KATNAL1: variants seen among roughly 807,000 people sequenced by gnomAD.
KATNAL1 encodes katanin p60 ATPase-containing subunit A-like 1.
KATNAL1 carries 32 observed loss-of-function variants against 55.2 expected under a neutral mutation model. The ratio of observed to expected loss-of-function variants is 0.58; its 90% CI spans 0.44 to 0.78. The LOEUF (loss-of-function observed/expected upper bound fraction) is 0.78. KATNAL1 is among the 30% of genes least tolerant of loss of function. The pLI, the probability that KATNAL1 is intolerant of heterozygous loss-of-function variation, is 0.00. For synonymous variants in KATNAL1, 193 were observed against 193.6 expected (o/e 1.00, Z 0.02); for missense variants, 466 against 600.9 (o/e 0.78, Z 2.35).
At chr13:30,243,608 C>CAAAAAAAAAAAAAAAAAA (rs139687662) in intron 4 of KATNAL1, among the ~76,000 whole-genome samples, 1 of 86,466 alleles carries the variant, frequency 1.2e-5, no homozygotes, top group Non-Finnish European at 2.2e-5. Context: ...GGTATTAAGC[C>CAAAAAAAAAAAAAAAAAA]AAAAAAAAAA....
intron 1 of KATNAL1, among the ~76,000 whole-genome samples, chr13:30,305,460 CAG>C (rs1297170542): frequency 6.6e-6 from 1 of 152,218 alleles, no homozygotes; most frequent in South Asian, 2.1e-4. Context: ...CTTCCTTAGA[CAG>C]AGTCAGGATC....
intron 1 of KATNAL1, among the ~76,000 whole-genome samples, chr13:30,287,285 T>C (rs752692373): frequency 6.6e-6 from 1 of 152,160 alleles, no homozygotes; most frequent in East Asian, 1.9e-4. Context: ...CAGGAGCACA[T>C]GGAGGTGACT....
At chr13:30,279,983 T>A in intron 3 of KATNAL1, 80 bp downstream of exon 3, 2 of 1,276,898 alleles carry the variant, frequency 1.6e-6, no homozygotes, top group Non-Finnish European at 1.1e-6. Context: ...AAATAATTTT[T>A]CATACTTTGT....
At chr13:30,290,218 A>T (rs1449274288) in intron 1 of KATNAL1, among the ~76,000 whole-genome samples, 1 of 152,202 alleles carries the variant, frequency 6.6e-6, no homozygotes, top group Non-Finnish European at 1.5e-5. Context: ...GAAATCAATG[A>T]AATAGAAAAC....
intron 3 of KATNAL1, among the ~76,000 whole-genome samples, chr13:30,272,319 AC>A (rs1490146118): frequency 6.6e-6 from 1 of 152,038 alleles, no homozygotes; most frequent in African/African-American, 2.4e-5. Flanking sequence ...AATTGCTTGA[AC>A]CCAGGAGGCG....
intron 2 of KATNAL1, 77 bp downstream of exon 2, chr13:30,283,539 G>T: frequency 7.4e-7 from 1 of 1,343,898 alleles, no homozygotes; most frequent in Non-Finnish European, 1.0e-6. Flanking sequence ...CTCAAAATTA[G>T]ATTTTCCAAC....
chr13:30,260,948 A>T (rs1879234955), intron 3 of KATNAL1, among the ~76,000 whole-genome samples: 1 of 151,534 alleles, frequency 6.6e-6, no homozygotes, highest in Non-Finnish European at 1.5e-5. Flanking sequence ...TGAAGGAAAA[A>T]ATGTTAAGGG....
At chr13:30,260,313 T>C (rs1244057287) in intron 3 of KATNAL1, among the ~76,000 whole-genome samples, 2 of 151,788 alleles carry the variant, frequency 1.3e-5, no homozygotes, top group Non-Finnish European at 1.5e-5. Flanking sequence ...AAAAGCAGAG[T>C]GCCTCTCCTC....
At chr13:30,259,359 G>A (rs1401517351) in intron 3 of KATNAL1, among the ~76,000 whole-genome samples, 1 of 151,532 alleles carries the variant, frequency 6.6e-6, no homozygotes, top group African/African-American at 2.4e-5. Flanking sequence ...AAAAAAAGTG[G>A]GGGGAGGAGC....
chr13:30,262,385 A>C (rs1246511125), intron 3 of KATNAL1, among the ~76,000 whole-genome samples: 1 of 152,162 alleles, frequency 6.6e-6, no homozygotes, highest in Non-Finnish European at 1.5e-5. Context: ...GAACTGAAGG[A>C]AATAGAGACA....
At chr13:30,270,233 C>G (rs1361817731) in intron 3 of KATNAL1, among the ~76,000 whole-genome samples, 1 of 137,740 alleles carries the variant, frequency 7.3e-6, no homozygotes, top group Non-Finnish European at 1.7e-5. Flanking sequence ...CCAGCCGCCC[C>G]GTCCGGGAGG....
intron 1 of KATNAL1, among the ~76,000 whole-genome samples, chr13:30,303,940 G>A (rs1883021864): frequency 6.6e-6 from 1 of 152,222 alleles, no homozygotes; most frequent in African/African-American, 2.4e-5. Context: ...CTATCAGACA[G>A]AACTGGCAGT....
chr13:30,280,249 G>A (rs750703446), intron 2 of KATNAL1, 26 bp from the exon 3 acceptor site: 7 of 1,538,860 alleles, frequency 4.5e-6, no homozygotes, highest in Non-Finnish European at 6.1e-6. Flanking sequence ...TAGGCTTTAT[G>A]CTAGAAGCTG....
chr13:30,231,110 T>C (rs1347698098), intron 7 of KATNAL1, among the ~76,000 whole-genome samples: 1 of 152,186 alleles, frequency 6.6e-6, no homozygotes, highest in Non-Finnish European at 1.5e-5. Flanking sequence ...AAGGCCTTGC[T>C]TTACCTTAAA....
intron 9 of KATNAL1, among the ~76,000 whole-genome samples, chr13:30,217,077 CG>C (rs1045710289): frequency 7.0e-6 from 1 of 143,014 alleles, no homozygotes; most frequent in Admixed American, 6.9e-5. Context: ...TGATTGGTGG[CG>C]GGGGGGTGGG....
intron 6 of KATNAL1, among the ~76,000 whole-genome samples, chr13:30,235,147 A>G (rs1361401687): frequency 6.6e-6 from 1 of 152,222 alleles, no homozygotes; most frequent in Non-Finnish European, 1.5e-5. Context: ...TATTTCTCTC[A>G]GTCCATTTGT....
intron 1 of KATNAL1, among the ~76,000 whole-genome samples, chr13:30,288,573 T>A (rs573663319): frequency 1.3e-5 from 2 of 152,356 alleles, no homozygotes; most frequent in South Asian, 2.1e-4. Flanking sequence ...TACTGCAGTA[T>A]TAGTTTTGAT....
intron 1 of KATNAL1, chr13:30,306,711 A>C (rs1883200203): frequency 1.3e-5 from 2 of 152,212 alleles, no homozygotes; most frequent in Non-Finnish European, 2.9e-5. Context: ...AAGGAGAAAA[A>C]CCTGTTAAAA....
chr13:30,294,487 G>C (rs1458100817), intron 1 of KATNAL1, among the ~76,000 whole-genome samples: 1 of 152,174 alleles, frequency 6.6e-6, no homozygotes, highest in Admixed American at 6.5e-5. Context: ...GGCTGAAAGA[G>C]GTGAGGATGC....
Sources: gnomAD v4.1 joint callset for allele counts (sites outside exome capture counted in the v4.1 genomes callset) on GRCh38, gnomAD v4.1.1 for gene constraint, MANE v1.5 for transcripts, NCBI Gene and HGNC (gene_info 2026-07-23, HGNC 2026-07-21) for gene names.